The following C16orf96 variants were observed in gnomAD, a reference collection of about 807,000 sequenced individuals.
C16orf96 encodes the protein uncharacterized protein C16orf96.
C16orf96 carries 108 observed loss-of-function variants against 103.6 expected under a neutral mutation model. That is an observed-to-expected ratio of 1.04 (90% CI 0.89 to 1.22). The LOEUF is 1.22. Ranked by LOEUF, C16orf96 falls within the 50% of genes most tolerant of loss-of-function variation. C16orf96 has a pLI of 0.00. For missense variants in C16orf96, 1,586 were observed against 1,464.2 expected (o/e 1.08, Z -1.36); for synonymous variants, 566 against 593.5 (o/e 0.95, Z 0.67).
At chr16:4,559,939 C>G (rs1046102433) in intron 1 of C16orf96, 2 of 152,138 alleles carry the variant, frequency 1.3e-5, no homozygotes, top group African/African-American at 4.8e-5. Context: ...ACGGGATTTC[C>G]TTTTAGGAGA....
chr16:4,555,293 C>T (rs1285379518), upstream of C16orf96, among the ~76,000 whole-genome samples: 1 of 149,798 alleles, frequency 6.7e-6, no homozygotes, highest in Non-Finnish European at 1.5e-5. Context: ...CACACACACA[C>T]ACACACACAC....
intron 14 of C16orf96, among the ~76,000 whole-genome samples, chr16:4,597,607 A>T (rs1045588764): frequency 2.7e-5 from 4 of 150,740 alleles, no homozygotes; most frequent in African/African-American, 7.3e-5. Context: ...CCAAGGCTGG[A>T]GTGCAGTGGG....
the C16orf96 span, among the ~76,000 whole-genome samples, chr16:4,544,655 C>A: frequency 2.1e-3 from 320 of 152,194 alleles, no homozygotes; most frequent in African/African-American, 7.3e-3. Flanking sequence ...GAGGGTAAAC[C>A]TAATAGCAAT....
Position 4,594,778 on chromosome 16 carries a change from C to G in C16orf96, c.3102C>G (p.Pro1034=). ...GRVNSQRGAQ[P]LAVAKELAAV... ...TGAACAGCCAGCGTGGGGCTCAGCC[C>G]TTGGCCGTCGCAAAGGAGCTGGCAG... The change falls in exon 14 of 16, where the codon CCC becomes CCG. Residue 1034 remains proline, a synonymous_variant. Coordinates refer to ENST00000444310, the MANE Select transcript of C16orf96 (RefSeq NM_001145011.2). The G allele has an allele frequency of 6.4e-7, 1 of 1,550,730 alleles. No homozygotes were observed. Among genetic ancestry groups the G allele is most frequent in the Non-Finnish European group, 8.7e-7 (1 of 1,146,894 alleles).
At chr16:4,556,277 G>A (rs1411929134), upstream of C16orf96, among the ~76,000 whole-genome samples, 1 of 152,120 alleles carries the variant, frequency 6.6e-6, no homozygotes, top group Non-Finnish European at 1.5e-5. Flanking sequence ...ACTTTGAATT[G>A]CGCCCGTTTC....
chr16:4,590,905 G>T (rs918547813), intron 9 of C16orf96, among the ~76,000 whole-genome samples: 1 of 151,022 alleles, frequency 6.6e-6, no homozygotes, highest in Middle Eastern at 3.2e-3. Flanking sequence ...GGGGGCACAC[G>T]CCTGTAATCC....
chr16:4,559,569 A>G (rs2059306050), intron 1 of C16orf96, among the ~76,000 whole-genome samples: 2 of 151,972 alleles, frequency 1.3e-5, no homozygotes, highest in Non-Finnish European at 2.9e-5. Flanking sequence ...AAAATTAAAA[A>G]TAAATAAATA....
At chr16:4,547,684 C>CCTTG in the C16orf96 span, among the ~76,000 whole-genome samples, 5 of 51,946 alleles carry the variant, frequency 9.6e-5, no homozygotes, top group African/African-American at 2.1e-4. Context: ...TTCCTTCCTT[C>CCTTG]CTTCCTTCTT....
chr16:4,543,241 A>G, the C16orf96 span, among the ~76,000 whole-genome samples: 3 of 152,150 alleles, frequency 2.0e-5, no homozygotes, highest in African/African-American at 7.2e-5. Flanking sequence ...GGGTACTCCA[A>G]GTAGTTAGAG....
intron 1 of C16orf96, among the ~76,000 whole-genome samples, chr16:4,562,289 A>G (rs841208): frequency 0.89 from 135,771 of 151,994 alleles, 62,627 homozygotes; most frequent in East Asian, 1. Context: ...AGCCTGAGCA[A>G]CATGGCGAGA....
rs78467414 is a variant in C16orf96 at position 4,573,156 on chromosome 16, G to A, written c.525+1491G>A. Among the ~76,000 whole-genome samples, 905 of 152,214 alleles carry A rather than the reference G, an allele frequency of 5.9e-3. 9 individuals are homozygous for A. The highest frequency in any genetic ancestry group is 0.019 in the African/African-American group (795 of 41,550). On this transcript the variant is annotated intron_variant, in intron 2 of 15. Transcript: ENST00000444310. ...GCTGTTGGAGAAACCATGCCTTCTCGGCGGGGCCTGGTGTCTCACGCCTGT... is the reference window on the plus strand; with the variant it reads ...GCTGTTGGAGAAACCATGCCTTCTCAGCGGGGCCTGGTGTCTCACGCCTGT...
In C16orf96 at chr16:4,591,740, T is replaced by C; in HGVS notation, c.2667T>C (p.Ile889=). 6.4e-7 allele frequency: 1 copy of C among 1,551,666 alleles called. No homozygotes were observed. The highest frequency in any genetic ancestry group is 1.2e-5 in the South Asian group (1 of 84,056). ...GGAAAATCGTCCGGAAGCTGCTGATTGAGGGCTTAAGACTGGATCCTGACA... is the reference window on the plus strand; with the variant it reads ...GGAAAATCGTCCGGAAGCTGCTGATCGAGGGCTTAAGACTGGATCCTGACA... ...EVWKIVRKLL[I]EGLRLDPDSA... Residue 889 remains isoleucine, a synonymous_variant, in exon 10 of 16, where the codon ATT becomes ATC. Coordinates refer to ENST00000444310, the MANE Select transcript of C16orf96 (RefSeq NM_001145011.2).
the C16orf96 span, among the ~76,000 whole-genome samples, chr16:4,542,665 G>T: frequency 6.6e-6 from 1 of 152,132 alleles, no homozygotes; most frequent in Non-Finnish European, 1.5e-5. Flanking sequence ...TGACATGGTG[G>T]CAGGCGCCTG....
rs781585549 is a variant in C16orf96 at position 4,592,332 on chromosome 16, C to G, written c.2739C>G (p.Ile913Met). Residue 913 changes from isoleucine (I) to methionine (M), a missense_variant, in exon 11 of 16, where the codon ATC becomes ATG. Transcript: ENST00000444310. ...RRKLFKRVKCISCDRPVEMMT... is the reference protein window; with the variant it reads ...RRKLFKRVKCMSCDRPVEMMT... ...AGCTGTTCAAGCGCGTGAAGTGCAT[C>G]TCCTGTGACCGGCCTGTGGAGATGA... The G allele has an allele frequency of 1.9e-6, 3 of 1,551,708 alleles. No homozygotes were observed. The highest frequency in any genetic ancestry group is 1.2e-5 in the South Asian group (1 of 84,070).
chr16:4,562,204 G>A lies in C16orf96; in HGVS notation c.420+5295G>A, dbSNP rs570314428. The stretch of plus-strand genomic sequence containing the variant: ...TCAAGAGAAAAGATTGCCAGGTGTG[G>A]TGGCTCATGCCTGTAATCCCCGCAC... On this transcript the variant is annotated intron_variant, in intron 1 of 15. Coordinates refer to ENST00000444310, the MANE Select transcript of C16orf96 (RefSeq NM_001145011.2). Among the ~76,000 whole-genome samples the A allele has an allele frequency of 2.6e-5, 4 of 152,244 alleles. No individual in the cohort carries two copies. In the South Asian group the frequency reaches 6.2e-4, roughly 24 times the overall value.
intron 8 of C16orf96, among the ~76,000 whole-genome samples, chr16:4,587,510 A>G (rs1351417402): frequency 6.8e-6 from 1 of 146,378 alleles, no homozygotes; most frequent in Admixed American, 7.0e-5. Context: ...CCTGGGCAAC[A>G]AGAGCAAAAA....
At chr16:4,571,047 G>A (rs2059432690) in intron 1 of C16orf96, among the ~76,000 whole-genome samples, 1 of 152,100 alleles carries the variant, frequency 6.6e-6, no homozygotes, top group Admixed American at 6.6e-5. Context: ...TTAGCTGGGC[G>A]TGGTGATGCA....
upstream of C16orf96, among the ~76,000 whole-genome samples, chr16:4,552,208 G>A (rs147302029): frequency 0.025 from 3,860 of 152,140 alleles, 81 homozygotes; most frequent in South Asian, 0.044. Context: ...TTGGCCGGGC[G>A]CGGTGGCTCA....
At chr16:4,581,489 C>T (rs368840463) in intron 7 of C16orf96, among the ~76,000 whole-genome samples, 3 of 150,488 alleles carry the variant, frequency 2.0e-5, no homozygotes, top group Non-Finnish European at 4.4e-5. Context: ...AAAAATTAGC[C>T]GGGCGTGGTG....
Sources: gnomAD v4.1 joint callset for allele counts (sites outside exome capture counted in the v4.1 genomes callset) on GRCh38, gnomAD v4.1.1 for gene constraint, MANE v1.5 for transcripts, NCBI Gene and HGNC (gene_info 2026-07-23, HGNC 2026-07-21) for gene names.